Variants in HMCN1 observed in about 807,000 individuals in gnomAD.
HMCN1 encodes hemicentin 1, also known as hemicentin-1.
In HMCN1, 321 loss-of-function variants were observed where a neutral mutation model predicts 625.9. That is an observed-to-expected ratio of 0.51 (90% CI 0.47 to 0.56). The LOEUF (loss-of-function observed/expected upper bound fraction) is 0.56. Ranked by LOEUF, HMCN1 falls within the 20% of genes least tolerant of loss-of-function variation. The pLI, the probability that HMCN1 is intolerant of heterozygous loss-of-function variation, is 0.00. For missense variants in HMCN1, 6,588 were observed against 6,887.3 expected (o/e 0.96, Z 1.54); for synonymous variants, 2,425 against 2,417.6 (o/e 1.00, Z -0.09).
intron 30 of HMCN1, among the ~76,000 whole-genome samples, chr1:186,009,121 T>C (rs566927068): frequency 1.4e-3 from 208 of 152,342 alleles, no homozygotes; most frequent in African/African-American, 4.7e-3. Flanking sequence ...GCCAGACTTT[T>C]AAACAATAGG....
At chr1:186,185,434 CA>C (rs1278679996) in intron 105 of HMCN1, among the ~76,000 whole-genome samples, 2 of 152,118 alleles carry the variant, frequency 1.3e-5, no homozygotes, top group Non-Finnish European at 2.9e-5. Context: ...CTGATAAAAT[CA>C]TAATTAGAAA....
Position 185,970,432 on chromosome 1 carries a change from T to C in HMCN1, c.2310T>C (p.Tyr770=), listed in dbSNP as rs1255076720. 11 of 1,613,678 alleles carry C rather than the reference T, an allele frequency of 6.8e-6. No homozygotes were observed. The highest frequency in any genetic ancestry group is 9.3e-6 in the Non-Finnish European group (11 of 1,179,666). The change falls in exon 15 of 107, where the codon TAT becomes TAC. Residue 770 remains tyrosine (Y), a synonymous_variant. Transcript: ENST00000271588. ...CACAAGATCTGGATGCTGGCGATTA[T>C]ACCTGTGTAGCCATCAATGAGGCTG... is the stretch of plus-strand genomic sequence containing the variant. ...QETQDLDAGD[Y]TCVAINEAGR... is the part of the protein sequence containing the mutation.
At position 185,993,234 on chromosome 1, in the gene HMCN1, G is replaced by T; in HGVS notation, c.3430G>T (p.Asp1144Tyr). ...GAAGATCACTGAAACCCGCACTTCA[G>T]ATAGTGGGATGTATCTTTGTGTTGC... ...SMKITETRTS[D>Y]SGMYLCVATN... The change falls in exon 23 of 107, where the codon GAT (aspartate) becomes TAT (tyrosine). Residue 1144 changes from aspartate (D) to tyrosine (Y), a missense_variant. Transcript: ENST00000271588. 2 of 1,613,022 alleles carry T rather than the reference G, an allele frequency of 1.2e-6. No individual in the cohort carries two copies. The highest frequency in any genetic ancestry group is 1.7e-6 in the Non-Finnish European group (2 of 1,179,140).
At chr1:185,803,616 C>A (rs56203695) in intron 1 of HMCN1, among the ~76,000 whole-genome samples, 6,189 of 152,120 alleles carry the variant, frequency 0.041, 180 homozygotes, top group Non-Finnish European at 0.062. Flanking sequence ...GCAGAAAGGG[C>A]ACTTTTGAAT....
At chr1:185,806,901 C>T (rs1659206397) in intron 1 of HMCN1, among the ~76,000 whole-genome samples, 1 of 152,072 alleles carries the variant, frequency 6.6e-6, no homozygotes, top group Non-Finnish European at 1.5e-5. Context: ...GGCTTTCCAT[C>T]CTCATTTCCT....
At chr1:186,074,980 T>A (rs1399722797) in intron 53 of HMCN1, 89 bp downstream of exon 53, 2 of 1,108,704 alleles carry the variant, frequency 1.8e-6, no homozygotes, top group East Asian at 5.2e-5. Context: ...AAACAGTGTT[T>A]TTTTCTGTTG....
In HMCN1 at chr1:186,171,353, A is replaced by G; in HGVS notation, c.15591A>G (p.Gln5197=). The G allele has an allele frequency of 6.2e-7, 1 of 1,613,282 alleles. No homozygotes were observed. Among genetic ancestry groups the G allele is most frequent in the Non-Finnish European group, 8.5e-7 (1 of 1,179,288 alleles). Residue 5197 remains glutamine, a synonymous_variant, in exon 101 of 107, where the codon CAA becomes CAG. Transcript: ENST00000271588. ...ATTTAACAGATATTAATGAATGTCA[A>G]GAATCCAGCCCCTGTCACCAGCGCT... The part of the protein sequence containing the change: ...GLSCQDINEC[Q]ESSPCHQRCF...
chr1:185,833,760 T>C (rs542374883), intron 1 of HMCN1, among the ~76,000 whole-genome samples: 1 of 152,290 alleles, frequency 6.6e-6, no homozygotes, highest in East Asian at 1.9e-4. Flanking sequence ...TTAAGGATTT[T>C]ATATTACTTA....
chr1:185,949,153 G>A (rs1219445130), intron 11 of HMCN1, among the ~76,000 whole-genome samples: 2 of 151,852 alleles, frequency 1.3e-5, no homozygotes, highest in African/African-American at 2.4e-5. Flanking sequence ...GTTAAGAGTG[G>A]CAGTTTGGGG....
chr1:185,917,814 G>A (rs976637582), intron 6 of HMCN1, among the ~76,000 whole-genome samples: 4 of 152,158 alleles, frequency 2.6e-5, no homozygotes, highest in Non-Finnish European at 5.9e-5. Flanking sequence ...GAAGATCTAA[G>A]CTGAGATCTC....
rs746753261 is a variant in HMCN1, at chr1:186,114,116, C to A, written c.11269C>A (p.His3757Asn). 6.2e-7 allele frequency: 1 copy of A among 1,614,038 alleles called. No individual in the cohort carries two copies. The highest frequency in any genetic ancestry group is 8.5e-7 in the Non-Finnish European group (1 of 1,179,942). ...RKDGAVLAGN[H>N]ARYSILENGF... The stretch of plus-strand genomic sequence containing the variant: ...GGATGGAGCTGTTCTAGCTGGGAAT[C>A]ATGCAAGGTAACCATACTGGAAAAT... Residue 3757 changes from histidine to asparagine, a missense_variant, in exon 73 of 107, where the codon CAT becomes AAT. Physicochemically the swap from His to Asn is moderately conservative, Grantham distance 68. This residue lies in a region of HMCN1 where 4,628 missense variants were observed against 4,853.1 expected (regional missense o/e 0.95). Coordinates refer to ENST00000271588, the MANE Select transcript of HMCN1 (RefSeq NM_031935.3).
intron 86 of HMCN1, among the ~76,000 whole-genome samples, chr1:186,135,630 GTGCTAT>G (rs1173051286): frequency 6.6e-6 from 1 of 152,120 alleles, no homozygotes; most frequent in African/African-American, 2.4e-5. Flanking sequence ...TTCCTGTTGT[GTGCTAT>G]TGCATTGCCC....
Position 185,928,551 on chromosome 1 carries a change from C to T in HMCN1, c.1436C>T (p.Ser479Phe). ...TLGVDQYLKE[S>F]ASVNLDIAKV... Reference sequence around the variant, plus strand: ...TTCCATTTTCTTACCTCCAGAGAATCTGCCAGTGTGAACTTAGATATTGCA... The same window carrying T: ...TTCCATTTTCTTACCTCCAGAGAATTTGCCAGTGTGAACTTAGATATTGCA... Residue 479 changes from serine to phenylalanine, a missense_variant, in exon 10 of 107, where the codon TCT (serine) becomes TTT (phenylalanine). Transcript: ENST00000271588. 5 of 1,612,950 alleles carry T rather than the reference C, an allele frequency of 3.1e-6. No homozygotes were observed. The highest frequency in any genetic ancestry group is 4.2e-6 in the Non-Finnish European group (5 of 1,179,020).
intron 1 of HMCN1, 68 bp downstream of exon 1, chr1:185,735,115 G>A (rs1653468731): frequency 2.6e-6 from 4 of 1,510,906 alleles, no homozygotes; most frequent in Non-Finnish European, 3.7e-6. Context: ...TGCTGTGAAT[G>A]AAATTGTTTG....
intron 24 of HMCN1, among the ~76,000 whole-genome samples, chr1:185,996,976 AG>A (rs1345357339): frequency 6.6e-6 from 1 of 152,170 alleles, no homozygotes; most frequent in African/African-American, 2.4e-5. Context: ...ATCAATCTAA[AG>A]GGGAACATGT....
intron 14 of HMCN1, among the ~76,000 whole-genome samples, chr1:185,966,383 T>C (rs1053092528): frequency 6.6e-6 from 1 of 152,172 alleles, no homozygotes; most frequent in Non-Finnish European, 1.5e-5. Context: ...TATTGATAGG[T>C]CAGCTACATC....
chr1:185,985,333 G>T (rs533489884), intron 19 of HMCN1, among the ~76,000 whole-genome samples: 119 of 152,208 alleles, frequency 7.8e-4, no homozygotes, highest in Admixed American at 4.2e-3. Context: ...TTTTCAAGAA[G>T]ACCAGACCAT....
rs915777665 is a variant in HMCN1, at chr1:186,140,494, C to T, written c.13924+2522C>T. Among the ~76,000 whole-genome samples, 3 of 152,314 alleles carry T rather than the reference C, an allele frequency of 2.0e-5. No individual in the cohort carries two copies. The East Asian group carries it at 5.8e-4, about 29-fold the overall frequency. Reference sequence around the variant, plus strand: ...CTTCTCCATGCATCATTTCAAAAGGCACATAATGTCAGTTTGTCCCATACT... The same window carrying T: ...CTTCTCCATGCATCATTTCAAAAGGTACATAATGTCAGTTTGTCCCATACT... On this transcript the variant is annotated intron_variant, in intron 89 of 106. Coordinates refer to ENST00000271588, the MANE Select transcript of HMCN1 (RefSeq NM_031935.3).
Position 186,023,117 on chromosome 1 carries a change from G to A in HMCN1, c.5713G>A (p.Gly1905Arg). 1 of 1,613,314 alleles carries A rather than the reference G, an allele frequency of 6.2e-7. No individual in the cohort carries two copies. Among genetic ancestry groups the A allele is most frequent in the Non-Finnish European group, 8.5e-7 (1 of 1,179,440 alleles). ...RYTCVATNAAGETQQHIQLHV... is the reference protein window; with the variant it reads ...RYTCVATNAARETQQHIQLHV... ...CACATGTGTGGCTACCAACGCAGCT[G>A]GAGAAACACAACAGCACATTCAACT... The change falls in exon 36 of 107, where the codon GGA becomes AGA. Residue 1905 changes from glycine to arginine, a missense_variant. Physicochemically the swap from Gly to Arg is moderately radical, Grantham distance 125. Coordinates refer to ENST00000271588, the MANE Select transcript of HMCN1 (RefSeq NM_031935.3).
Sources: allele counts gnomAD v4.1 joint callset (sites outside exome capture counted in the v4.1 genomes callset), GRCh38; gene constraint gnomAD v4.1.1; regional missense constraint gnomAD v4.1.1; transcripts MANE v1.5; gene names NCBI Gene and HGNC (gene_info 2026-07-23, HGNC 2026-07-21).